IMMP2L: variants seen among roughly 807,000 people sequenced by gnomAD.
IMMP2L encodes mitochondrial inner membrane protease subunit 2.
Under a neutral mutation model 19.3 loss-of-function variants are expected in IMMP2L, and 18 were observed. The observed-to-expected ratio is 0.93, with a 90% CI of 0.64 to 1.38. The LOEUF is 1.38. Ranked by LOEUF, IMMP2L falls within the 40% of genes most tolerant of loss-of-function variation. The pLI, the probability that IMMP2L is intolerant of heterozygous loss-of-function variation, is 0.00. For missense variants in IMMP2L, 233 were observed against 218.2 expected, an observed-to-expected ratio of 1.07 and a Z score of -0.43; for synonymous variants, 76 against 73.0, an observed-to-expected ratio of 1.04 and a Z score of -0.21.
chr7:111,170,417 T>A (rs2129608884), intron 3 of IMMP2L, among the ~76,000 whole-genome samples: 1 of 151,984 alleles, frequency 6.6e-6, no homozygotes, highest in Non-Finnish European at 1.5e-5. Flanking sequence ...CCAGAACAAC[T>A]GGCAGTAACA....
At chr7:111,309,310 A>G (rs1372679340) in intron 3 of IMMP2L, among the ~76,000 whole-genome samples, 3 of 152,194 alleles carry the variant, frequency 2.0e-5, no homozygotes, top group Non-Finnish European at 4.4e-5. Flanking sequence ...GATTGCAAGA[A>G]ATCAATTTTT....
chr7:110,852,877 C>T (rs1806380951), intron 5 of IMMP2L, among the ~76,000 whole-genome samples: 1 of 152,016 alleles, frequency 6.6e-6, no homozygotes, highest in Admixed American at 6.6e-5. Flanking sequence ...GTGAAAACGT[C>T]TTTTCATGGT....
At chr7:111,301,560 T>C (rs1023223709) in intron 3 of IMMP2L, among the ~76,000 whole-genome samples, 3 of 152,086 alleles carry the variant, frequency 2.0e-5, no homozygotes, top group African/African-American at 2.4e-5. Flanking sequence ...TTTTAACCTA[T>C]TTTTTTCTAA....
At chr7:111,474,793 T>C (rs1399938186) in intron 3 of IMMP2L, among the ~76,000 whole-genome samples, 1 of 152,120 alleles carries the variant, frequency 6.6e-6, no homozygotes, top group Non-Finnish European at 1.5e-5. Flanking sequence ...TTTCCTATTA[T>C]TTCTTCAAGT....
chr7:111,499,592 A>C (rs1195115965), intron 2 of IMMP2L, among the ~76,000 whole-genome samples: 1 of 152,210 alleles, frequency 6.6e-6, no homozygotes. Context: ...AAAGACAGAA[A>C]GAAGATAACC....
intron 3 of IMMP2L, among the ~76,000 whole-genome samples, chr7:111,391,452 G>C (rs1426684195): frequency 6.6e-6 from 1 of 152,062 alleles, no homozygotes; most frequent in Non-Finnish European, 1.5e-5. Context: ...AGTGCAGAAA[G>C]GATTATCGTA....
chr7:110,754,486 A>G (rs1797922999), intron 5 of IMMP2L, among the ~76,000 whole-genome samples: 1 of 152,082 alleles, frequency 6.6e-6, no homozygotes, highest in Non-Finnish European at 1.5e-5. Flanking sequence ...GTTCTGGATT[A>G]AATGTCAGTC....
At chr7:111,421,409 A>G (rs901797933) in intron 3 of IMMP2L, among the ~76,000 whole-genome samples, 7 of 150,404 alleles carry the variant, frequency 4.7e-5, no homozygotes, top group Non-Finnish European at 1.0e-4. Flanking sequence ...AGCTGGGACT[A>G]CAGGCGCCCG....
chr7:110,982,340 A>C (rs1821390051), intron 3 of IMMP2L, among the ~76,000 whole-genome samples: 2 of 152,186 alleles, frequency 1.3e-5, no homozygotes. Context: ...AGAACTCTCT[A>C]TTTAAGGCAA....
chr7:111,331,513 T>C (rs1275467774), intron 3 of IMMP2L, among the ~76,000 whole-genome samples: 2 of 151,734 alleles, frequency 1.3e-5, no homozygotes, highest in Non-Finnish European at 2.9e-5. Flanking sequence ...ATGATTATAG[T>C]CAATAATAGA....
intron 3 of IMMP2L, among the ~76,000 whole-genome samples, chr7:111,151,252 A>T (rs141911840): frequency 1.3e-5 from 2 of 152,352 alleles, no homozygotes; most frequent in Non-Finnish European, 2.9e-5. Flanking sequence ...TTGGGATCAT[A>T]CAGTTTATTT....
At chr7:111,543,387 C>A (rs1484641198) in intron 1 of IMMP2L, among the ~76,000 whole-genome samples, 2 of 152,082 alleles carry the variant, frequency 1.3e-5, no homozygotes, top group Admixed American at 6.6e-5. Context: ...GTATAACAAA[C>A]CCCTCCCCTG....
chr7:110,694,473 A>G (rs973066976), intron 5 of IMMP2L, among the ~76,000 whole-genome samples: 2 of 152,218 alleles, frequency 1.3e-5, no homozygotes, highest in Non-Finnish European at 2.9e-5. Flanking sequence ...TAAGGAAAAG[A>G]AAAAGTAATA....
At chr7:111,126,054 C>T (rs1168060106) in intron 3 of IMMP2L, among the ~76,000 whole-genome samples, 2 of 151,958 alleles carry the variant, frequency 1.3e-5, no homozygotes, top group African/African-American at 4.8e-5. Flanking sequence ...AACTCCTGGC[C>T]TCATATGATC....
intron 5 of IMMP2L, among the ~76,000 whole-genome samples, chr7:110,755,750 A>G (rs1343669105): frequency 6.6e-6 from 1 of 152,090 alleles, no homozygotes; most frequent in Non-Finnish European, 1.5e-5. Context: ...TGCTGGGTTG[A>G]TAAGACTGGG....
intron 4 of IMMP2L, among the ~76,000 whole-genome samples, chr7:110,942,697 G>T (rs1017554130): frequency 2.6e-5 from 4 of 151,558 alleles, no homozygotes; most frequent in Admixed American, 1.3e-4. Flanking sequence ...CCAACATTTG[G>T]CATGAGCAGA....
At chr7:111,108,902 T>C (rs887636862) in intron 3 of IMMP2L, among the ~76,000 whole-genome samples, 5 of 152,200 alleles carry the variant, frequency 3.3e-5, no homozygotes, top group African/African-American at 9.6e-5. Context: ...AGATATTTAT[T>C]GAACAACAAT....
rs71147477 is a variant in IMMP2L at position 111,485,597 on chromosome 7, CA to C, written c.239+1640del. Among the ~76,000 whole-genome samples, 23 of 50,590 alleles carry C rather than the reference CA, an allele frequency of 4.5e-4. 1 individual carries two copies. Among genetic ancestry groups the C allele is most frequent in the African/African-American group, 1.5e-3 (18 of 11,686 alleles). The allele number at this position is 50,590 out of a possible 152,430, so 33.2% of individuals were successfully genotyped here. A position where few individuals can be genotyped will look rare whatever the true frequency, so the allele number is the denominator to read the frequency against. On this transcript the variant is annotated intron_variant, in intron 3 of 5. Coordinates refer to ENST00000405709, the MANE Select transcript of IMMP2L (RefSeq NM_032549.4). ...TGCGCAACAGAGCGAGACTCTGTTT[CA>C]AAAAAAAAAAAAAAAAAAAAAAAAA...
chr7:110,849,148 G>A (rs1805954253), intron 5 of IMMP2L, among the ~76,000 whole-genome samples: 1 of 152,104 alleles, frequency 6.6e-6, no homozygotes, highest in African/African-American at 2.4e-5. Flanking sequence ...AACAGTGGGA[G>A]AAGCTGGGGT....
Sources: gnomAD v4.1 joint callset for allele counts (sites outside exome capture counted in the v4.1 genomes callset) on GRCh38, gnomAD v4.1.1 for gene constraint, MANE v1.5 for transcripts, NCBI Gene and HGNC (gene_info 2026-07-23, HGNC 2026-07-21) for gene names.